The following JAKMIP2 variants were observed in gnomAD, a reference collection of about 807,000 sequenced individuals.
JAKMIP2 encodes janus kinase and microtubule interacting protein 2, also known as janus kinase and microtubule-interacting protein 2.
A neutral mutation model predicts 115.0 loss-of-function variants in JAKMIP2; 25 were observed. The observed-to-expected ratio is 0.22, with a 90% CI of 0.16 to 0.30. JAKMIP2 has a LOEUF of 0.30. Ranked by LOEUF, JAKMIP2 falls within the 10% of genes least tolerant of loss-of-function variation. The pLI, the probability that JAKMIP2 is intolerant of heterozygous loss-of-function variation, is 1.00. For synonymous variants in JAKMIP2, 334 were observed against 343.6 expected (o/e 0.97, Z 0.31); for missense variants, 642 against 957.6 (o/e 0.67, Z 4.35).
intron 1 of JAKMIP2, among the ~76,000 whole-genome samples, chr5:147,704,388 T>G (rs1051387748): frequency 3.3e-5 from 5 of 152,094 alleles, no homozygotes; most frequent in Admixed American, 1.3e-4. Flanking sequence ...TTCAGCTCCA[T>G]TATAATCTTA....
chr5:147,673,514 G>A (rs1759753043), intron 1 of JAKMIP2, among the ~76,000 whole-genome samples: 1 of 152,100 alleles, frequency 6.6e-6, no homozygotes, highest in South Asian at 2.1e-4. Flanking sequence ...GTGTGTCCCT[G>A]GGGGAAGGGG....
Position 147,782,651 on chromosome 5 carries a change from A to AGGCGGCGGC in JAKMIP2, c.-353_-345dup. On this transcript the variant is annotated 5_prime_UTR_variant, in exon 1 of 22. Transcript: ENST00000616793. Reference sequence around the variant, plus strand: ...AGCCCCACTAGAGTATCAGCAATAGAGGCGGCGGCGGCGGCAGCAGCAGCA... The same window carrying AGGCGGCGGC: ...AGCCCCACTAGAGTATCAGCAATAGAGGCGGCGGCGGCGGCGGCGGCGGCAGCAGCAGCA... 1 of 653,490 alleles carries AGGCGGCGGC rather than the reference A, an allele frequency of 1.5e-6. No individual in the cohort carries two copies. Among genetic ancestry groups the AGGCGGCGGC allele is most frequent in the South Asian group, 1.6e-5 (1 of 63,082 alleles). 40.5% of individuals were successfully genotyped at this position (653,490 alleles called of 1,614,324 possible). A position where few individuals can be genotyped will look rare whatever the true frequency, so the allele number is the denominator to read the frequency against.
At chr5:147,628,606 G>T in intron 16 of JAKMIP2, 145 bp downstream of exon 16, 1 of 525,688 alleles carries the variant, frequency 1.9e-6, no homozygotes. Context: ...CATTCTATCT[G>T]GGTTGTACTA....
intron 1 of JAKMIP2, among the ~76,000 whole-genome samples, chr5:147,685,785 T>C (rs1442113017): frequency 6.6e-6 from 1 of 152,200 alleles, no homozygotes; most frequent in African/African-American, 2.4e-5. Flanking sequence ...TAAAGATAGG[T>C]GTTCAAATAG....
intron 17 of JAKMIP2, among the ~76,000 whole-genome samples, chr5:147,622,953 C>T (rs1483498127): frequency 6.6e-6 from 1 of 152,136 alleles, no homozygotes; most frequent in African/African-American, 2.4e-5. Flanking sequence ...CAGGGTCTTG[C>T]TCTGTTGCCC....
rs75399135 is a variant in JAKMIP2, at chr5:147,620,084, A to C, written c.2142+582T>G. On this transcript the variant is annotated intron_variant, in intron 18 of 21. Transcript: ENST00000616793. ...CATTTAATATTATCCAACAACATAT[A>C]TTTAATTGTTTTTGTTTTATTTTGT... Among the ~76,000 whole-genome samples, 64 of 152,088 alleles carry C rather than the reference A, an allele frequency of 4.2e-4. 3 individuals are homozygous for C. The East Asian group carries it at 0.012, about 28-fold the overall frequency.
intron 10 of JAKMIP2, among the ~76,000 whole-genome samples, chr5:147,637,642 G>A (rs1757688313): frequency 6.6e-6 from 1 of 151,924 alleles, no homozygotes; most frequent in African/African-American, 2.4e-5. Context: ...GTTTCACCGT[G>A]TTGGCCTGGC....
Position 147,678,154 on chromosome 5 carries a change from C to T in JAKMIP2, c.-148-6200G>A, listed in dbSNP as rs142112255. ...GAGTAGCTGGGATTACAGGCATGCG[C>T]CACCACTCTCGGCTAATTTTTGTAT... On this transcript the variant is annotated intron_variant, in intron 1 of 21. Coordinates refer to ENST00000616793, the MANE Select transcript of JAKMIP2 (RefSeq NM_001270941.2). Among the ~76,000 whole-genome samples the T allele has an allele frequency of 3.5e-3, 531 of 152,254 alleles. 3 individuals are homozygous for T. Among genetic ancestry groups the T allele is most frequent in the African/African-American group, 0.012 (492 of 41,542 alleles).
chr5:147,705,459 CGAGAATCATTTGAGCCAT>C (rs1752525224), intron 1 of JAKMIP2, among the ~76,000 whole-genome samples: 1 of 151,700 alleles, frequency 6.6e-6, no homozygotes, highest in African/African-American at 2.4e-5. Flanking sequence ...AAAAATTAGC[CGAGAATCATTTGAGCCAT>C]GAGAATCATT....
At chr5:147,607,442 T>C (rs1481754483) in intron 20 of JAKMIP2, among the ~76,000 whole-genome samples, 1 of 152,246 alleles carries the variant, frequency 6.6e-6, no homozygotes, top group Non-Finnish European at 1.5e-5. Flanking sequence ...CATGTGGTTT[T>C]TGTCATTGGT....
At chr5:147,606,094 A>G (rs1324340697) in intron 20 of JAKMIP2, among the ~76,000 whole-genome samples, 1 of 152,090 alleles carries the variant, frequency 6.6e-6, no homozygotes, top group South Asian at 2.1e-4. Flanking sequence ...CCTTTTTCAG[A>G]TGGATAGATT....
chr5:147,707,918 T>C (rs904907045), intron 1 of JAKMIP2, among the ~76,000 whole-genome samples: 1 of 152,226 alleles, frequency 6.6e-6, no homozygotes, highest in Admixed American at 6.5e-5. Flanking sequence ...TCAACTTGTC[T>C]GAACAAAGTC....
At chr5:147,602,775 G>A (rs1473870522) in intron 20 of JAKMIP2, among the ~76,000 whole-genome samples, 1 of 152,102 alleles carries the variant, frequency 6.6e-6, no homozygotes, top group African/African-American at 2.4e-5. Context: ...GGAACATACC[G>A]TTGGACACAT....
chr5:147,706,122 T>C (rs190005884), intron 1 of JAKMIP2, among the ~76,000 whole-genome samples: 1 of 152,302 alleles, frequency 6.6e-6, no homozygotes, highest in East Asian at 1.9e-4. Flanking sequence ...GTATCTATAG[T>C]GGAATAGCTC....
chr5:147,626,328 G>T (rs2126670355), intron 16 of JAKMIP2, among the ~76,000 whole-genome samples: 1 of 152,276 alleles, frequency 6.6e-6, no homozygotes, highest in South Asian at 2.1e-4. Context: ...TTGTTCAACT[G>T]GTCCCTATAC....
intron 2 of JAKMIP2, among the ~76,000 whole-genome samples, chr5:147,668,825 C>A (rs1258854441): frequency 1.3e-5 from 2 of 152,184 alleles, no homozygotes; most frequent in Admixed American, 1.3e-4. Flanking sequence ...CAGTCAGGTG[C>A]TAGTGAAGCA....
Position 147,671,937 on chromosome 5 carries a change from A to T in JAKMIP2, c.-131T>A. The T allele has an allele frequency of 7.5e-7, 1 of 1,326,386 alleles. No individual in the cohort carries two copies. The highest frequency in any genetic ancestry group is 9.7e-7 in the Non-Finnish European group (1 of 1,032,554). The allele number at this position is 1,326,386 out of a possible 1,614,324, so 82.2% of individuals were successfully genotyped here. Reference sequence around the variant, plus strand: ...GGTGCTCCTTGGTAAGGTCTCCTCAATCGCTGCCCTGGAAGCCCTGAGAAG... The same window carrying T: ...GGTGCTCCTTGGTAAGGTCTCCTCATTCGCTGCCCTGGAAGCCCTGAGAAG... On this transcript the variant is annotated 5_prime_UTR_variant, in exon 2 of 22. In the 5' UTR this introduces an upstream ATG that the reference lacks. Coordinates refer to ENST00000616793, the MANE Select transcript of JAKMIP2 (RefSeq NM_001270941.2).
At chr5:147,607,924 T>C (rs1756114666) in intron 20 of JAKMIP2, among the ~76,000 whole-genome samples, 1 of 152,158 alleles carries the variant, frequency 6.6e-6, no homozygotes, top group African/African-American at 2.4e-5. Context: ...TGTCCAGGAA[T>C]TTATCAATTT....
At chr5:147,744,658 A>C (rs1193684948) in intron 1 of JAKMIP2, among the ~76,000 whole-genome samples, 2 of 152,212 alleles carry the variant, frequency 1.3e-5, no homozygotes, top group Non-Finnish European at 2.9e-5. Context: ...AATGGTAAAA[A>C]AATTAAAGAT....
Sources: gnomAD v4.1 joint callset for allele counts (sites outside exome capture counted in the v4.1 genomes callset) on GRCh38, gnomAD v4.1.1 for gene constraint, MANE v1.5 for transcripts, NCBI Gene and HGNC (gene_info 2026-07-23, HGNC 2026-07-21) for gene names.